The following NPY1R variants were observed in gnomAD, a reference collection of about 807,000 sequenced individuals.
NPY1R encodes neuropeptide Y receptor Y1.
NPY1R carries 10 observed loss-of-function variants against 24.1 expected under a neutral mutation model. The observed-to-expected ratio is 0.42, with a 90% confidence interval of 0.26 to 0.71. The LOEUF is 0.71. Among genes scored for constraint, NPY1R ranks in the 30% least tolerant of loss-of-function variants. NPY1R has a pLI of 0.28. For missense variants in NPY1R, 350 were observed against 458.0 expected, an observed-to-expected ratio of 0.76 and a Z score of 2.15; for synonymous variants, 168 against 165.9, an observed-to-expected ratio of 1.01 and a Z score of -0.10.
upstream of NPY1R, among the ~76,000 whole-genome samples, chr4:163,333,412 T>C (rs1734777624): frequency 6.6e-6 from 1 of 152,170 alleles, no homozygotes; most frequent in South Asian, 2.1e-4. Context: ...ACACTGATCT[T>C]AGATGTTTTA....
At chr4:163,331,957 C>G (rs1472217902) in intron 1 of NPY1R, among the ~76,000 whole-genome samples, 3 of 152,212 alleles carry the variant, frequency 2.0e-5, no homozygotes, top group Admixed American at 6.5e-5. Context: ...CTACTCCCAC[C>G]TCCGCCAGCT....
chr4:163,329,600 C>CA lies in NPY1R; in HGVS notation c.-152+2881dup, dbSNP rs553333262. Among the ~76,000 whole-genome samples, 1,002 of 128,438 alleles carry CA rather than the reference C, an allele frequency of 7.8e-3. 6 individuals are homozygous for CA. The highest frequency in any genetic ancestry group is 0.043 in the Middle Eastern group (11 of 256). 84.3% of individuals were successfully genotyped at this position (128,438 alleles called of 152,430 possible). ...TGGGTGACAGAGCAAGACTCCGTCTCAAAAAAAAAAAAAGAAAGAGAAACT... is the reference window on the plus strand; with the variant it reads ...TGGGTGACAGAGCAAGACTCCGTCTCAAAAAAAAAAAAAAGAAAGAGAAACT... On this transcript the variant is annotated intron_variant, in intron 1 of 2. Coordinates refer to ENST00000296533, the MANE Select transcript of NPY1R (RefSeq NM_000909.6).
intron 1 of NPY1R, among the ~76,000 whole-genome samples, chr4:163,330,010 G>A (rs887556133): frequency 2.6e-5 from 4 of 151,930 alleles, no homozygotes; most frequent in African/African-American, 4.8e-5. Context: ...TACTATTCTC[G>A]CTGCTGTTTT....
chr4:163,328,892 C>A (rs1320074905), intron 1 of NPY1R, among the ~76,000 whole-genome samples: 1 of 152,128 alleles, frequency 6.6e-6, no homozygotes, highest in African/African-American at 2.4e-5. Context: ...AGGCATTGTG[C>A]ATACTTCATA....
At position 163,325,768 on chromosome 4, in the gene NPY1R, A is replaced by C. The variant is rs79156668; in HGVS notation, c.700-10T>G. The C allele has an allele frequency of 1.3e-6, 2 of 1,567,460 alleles. No individual in the cohort carries two copies. The highest frequency in any genetic ancestry group is 1.7e-4 in the Middle Eastern group (1 of 5,924). ...TTAGGCGTATATATATCTATGGAAG[A>C]AAAAAGTTTAAATAGAAACACTCAT... On this transcript the variant is annotated splice_polypyrimidine_tract_variant and intron_variant, in intron 2 of 2. Coordinates refer to ENST00000296533, the MANE Select transcript of NPY1R (RefSeq NM_000909.6).
chr4:163,338,277 A>C (rs1294226816), intron 1 of NPY1R, among the ~76,000 whole-genome samples: 2 of 152,146 alleles, frequency 1.3e-5, no homozygotes, highest in Non-Finnish European at 2.9e-5. Context: ...TCAAAATCTC[A>C]CGCATCTAAT....
chr4:163,343,637 C>T (rs917973222), intron 1 of NPY1R, among the ~76,000 whole-genome samples: 7 of 152,118 alleles, frequency 4.6e-5, no homozygotes, highest in Non-Finnish European at 7.3e-5. Context: ...GCTGGACCGG[C>T]AAAACTCGAT....
intron 1 of NPY1R, among the ~76,000 whole-genome samples, chr4:163,329,880 G>C (rs888239730): frequency 1.3e-5 from 2 of 152,024 alleles, no homozygotes; most frequent in Non-Finnish European, 1.5e-5. Context: ...GCTAAAGAGG[G>C]GGGTACAGAC....
At chr4:163,335,103 A>G (rs79041735), upstream of NPY1R, among the ~76,000 whole-genome samples, 1,495 of 152,278 alleles carry the variant, frequency 9.8e-3, 20 homozygotes, top group African/African-American at 0.034. Context: ...TTAAGATCAT[A>G]TATTTTTCTA....
chr4:163,338,840 C>G (rs190960484), intron 1 of NPY1R, among the ~76,000 whole-genome samples: 2 of 152,108 alleles, frequency 1.3e-5, no homozygotes, highest in Admixed American at 1.3e-4. Context: ...GCTTATGGAC[C>G]TGATCAGTAG....
chr4:163,333,700 A>G (rs1009117280), upstream of NPY1R, among the ~76,000 whole-genome samples: 1 of 152,200 alleles, frequency 6.6e-6, no homozygotes, highest in Non-Finnish European at 1.5e-5. Flanking sequence ...ATACTGTTAA[A>G]AAACGTTTTC....
chr4:163,326,183 G>A lies in NPY1R; in HGVS notation c.372C>T (p.Ile124=), dbSNP rs1164784545. The change falls in exon 2 of 3, where the codon ATC becomes ATT. Residue 124 remains isoleucine, a synonymous_variant. Coordinates refer to ENST00000296533, the MANE Select transcript of NPY1R (RefSeq NM_000909.6). ...GAACCAGAGAGAAAATGGACACAGT[G>A]ATTGAAACACATTGCACAAAAGGAT... ...KLNPFVQCVS[I]TVSIFSLVLI... 1 of 1,614,114 alleles carries A rather than the reference G, an allele frequency of 6.2e-7. No homozygotes were observed. Among genetic ancestry groups the A allele is most frequent in the South Asian group, 1.1e-5 (1 of 91,078 alleles).
At chr4:163,338,276 C>T (rs11100491) in intron 1 of NPY1R, among the ~76,000 whole-genome samples, 91,748 of 152,114 alleles carry the variant, frequency 0.6, 30,796 homozygotes, top group Non-Finnish European at 0.75. Flanking sequence ...CTCAAAATCT[C>T]ACGCATCTAA....
chr4:163,329,940 G>A (rs939290077), intron 1 of NPY1R, among the ~76,000 whole-genome samples: 3 of 152,008 alleles, frequency 2.0e-5, no homozygotes, highest in African/African-American at 7.2e-5. Context: ...TGAGAGAGCT[G>A]GGGAGCCTCT....
At chr4:163,326,779 C>A in intron 1 of NPY1R, 74 bp from the exon 2 acceptor site, 3 of 408,878 alleles carry the variant, frequency 7.3e-6, no homozygotes, top group Non-Finnish European at 4.3e-6. Context: ...ACTCACAGAA[C>A]TCTTTAAAGT....
At chr4:163,341,416 T>A (rs533193437) in intron 1 of NPY1R, among the ~76,000 whole-genome samples, 1 of 152,278 alleles carries the variant, frequency 6.6e-6, no homozygotes, top group African/African-American at 2.4e-5. Flanking sequence ...CAAAGTCAAA[T>A]ATCATTTGAG....
At chr4:163,333,244 T>C (rs1416750148), upstream of NPY1R, among the ~76,000 whole-genome samples, 1 of 151,582 alleles carries the variant, frequency 6.6e-6, no homozygotes, top group Non-Finnish European at 1.5e-5. Flanking sequence ...AACCATGAGC[T>C]GAATATTTCC....
chr4:163,339,056 G>A (rs1734914999), intron 1 of NPY1R, among the ~76,000 whole-genome samples: 1 of 152,146 alleles, frequency 6.6e-6, no homozygotes. Context: ...CAGCCATCCA[G>A]TCATACAGCT....
chr4:163,332,065 C>G (rs1734743495), intron 1 of NPY1R, among the ~76,000 whole-genome samples: 1 of 152,254 alleles, frequency 6.6e-6, no homozygotes, highest in Non-Finnish European at 1.5e-5. Context: ...CGCGAAAACT[C>G]CGGTGCGGCC....
Sources: gnomAD v4.1 joint callset for allele counts (sites outside exome capture counted in the v4.1 genomes callset) on GRCh38, gnomAD v4.1.1 for gene constraint, MANE v1.5 for transcripts, NCBI Gene and HGNC (gene_info 2026-07-23, HGNC 2026-07-21) for gene names.